The following FZD3 variants were observed in gnomAD, a reference collection of about 807,000 sequenced individuals.
FZD3 encodes the protein frizzled-3.
In FZD3, 30 loss-of-function variants were observed where a neutral mutation model predicts 60.7. The ratio of observed to expected loss-of-function variants is 0.49; its 90% CI spans 0.37 to 0.67. The LOEUF (loss-of-function observed/expected upper bound fraction) is 0.67. Among genes scored for constraint, FZD3 ranks in the 30% least tolerant of loss-of-function variants. FZD3 has a pLI of 0.00. For synonymous variants in FZD3, 246 were observed against 275.2 expected (o/e 0.89, Z 1.05); for missense variants, 605 against 838.7 (o/e 0.72, Z 3.44).
At chr8:28,510,773 A>G (rs954900195) in intron 3 of FZD3, among the ~76,000 whole-genome samples, 5 of 151,656 alleles carry the variant, frequency 3.3e-5, no homozygotes, top group African/African-American at 1.2e-4. Flanking sequence ...ACGGTGGCTC[A>G]GGCCTATAAT....
rs186331944 is a variant in FZD3, at chr8:28,506,464, T to A, written c.189+3262T>A. Among the ~76,000 whole-genome samples the A allele has an allele frequency of 2.0e-5, 3 of 152,218 alleles. No homozygotes were observed. The South Asian group carries it at 6.2e-4, about 32-fold the overall frequency. On this transcript the variant is annotated intron_variant, in intron 3 of 7. Transcript: ENST00000240093. The stretch of plus-strand genomic sequence containing the variant: ...AGTGCTGTGTGAATACAGAGCATTC[T>A]TCTTTGTTGCCTGTCACCCTGTTTT...
At chr8:28,509,386 G>A (rs1804225938) in intron 3 of FZD3, among the ~76,000 whole-genome samples, 1 of 150,890 alleles carries the variant, frequency 6.6e-6, no homozygotes, top group African/African-American at 2.4e-5. Flanking sequence ...TATAACGTTT[G>A]TTTTCCCCAC....
At chr8:28,557,947 A>C (rs1019457348) in intron 7 of FZD3, among the ~76,000 whole-genome samples, 4 of 152,228 alleles carry the variant, frequency 2.6e-5, no homozygotes, top group Non-Finnish European at 5.9e-5. Flanking sequence ...AATAAATCAT[A>C]GAAAGTGAAA....
Position 28,569,572 on chromosome 8 carries a change from G to C in FZD3, c.*6561G>C, listed in dbSNP as rs747338023. 6.6e-6 allele frequency: 1 copy of C among 151,518 alleles called. No individual in the cohort carries two copies. Among genetic ancestry groups the C allele is most frequent in the Admixed American group, 6.6e-5 (1 of 15,198 alleles). The allele number at this position is 151,518 out of a possible 1,614,324, so 9.4% of individuals were successfully genotyped here. The stretch of plus-strand genomic sequence containing the variant: ...TTCATCCCATGAACTAGATCAACTT[G>C]TATTATTTTACTAGATCAACCTGTA... On this transcript the variant is annotated 3_prime_UTR_variant, in exon 8 of 8. Coordinates refer to ENST00000240093, the MANE Select transcript of FZD3 (RefSeq NM_017412.4).
chr8:28,559,015 G>A (rs1805566573), intron 7 of FZD3, among the ~76,000 whole-genome samples: 1 of 152,164 alleles, frequency 6.6e-6, no homozygotes, highest in African/African-American at 2.4e-5. Flanking sequence ...AAAGATAACA[G>A]ATGTAGAACT....
chr8:28,501,012 G>A (rs112104596), intron 2 of FZD3, among the ~76,000 whole-genome samples: 3,997 of 152,078 alleles, frequency 0.026, 214 homozygotes, highest in African/African-American at 0.09. Context: ...CGCCTGCCTC[G>A]GCCTCCCAAA....
rs149419327 is a variant in FZD3 at position 28,566,639 on chromosome 8, T to A, written c.*3628T>A. On this transcript the variant is annotated 3_prime_UTR_variant, in exon 8 of 8. Coordinates refer to ENST00000240093, the MANE Select transcript of FZD3 (RefSeq NM_017412.4). ...ATGAAAGGAACCACTTAATTTTTTT[T>A]ATATAAATTAGTGAATCATTTGCTG... The A allele has an allele frequency of 4.1e-4, 62 of 152,346 alleles. No individual in the cohort carries two copies. The highest frequency in any genetic ancestry group is 1.3e-3 in the African/African-American group (56 of 41,598). The allele number at this position is 152,346 out of a possible 1,614,324, so 9.4% of individuals were successfully genotyped here.
At position 28,565,291 on chromosome 8, in the gene FZD3, A is replaced by G. The variant is rs930660730; in HGVS notation, c.*2280A>G. 5.3e-5 allele frequency: 8 copies of G among 152,164 alleles called. No homozygotes were observed. The highest frequency in any genetic ancestry group is 1.7e-4 in the African/African-American group (7 of 41,444). The allele number at this position is 152,164 out of a possible 1,614,324, so 9.4% of individuals were successfully genotyped here. The stretch of plus-strand genomic sequence containing the variant: ...TCCTTGGAGCTGGAGTTAATGCTCA[A>G]AGCAGGCAGGTCTGAATTCCCTCAT... On this transcript the variant is annotated 3_prime_UTR_variant, in exon 8 of 8. Coordinates refer to ENST00000240093, the MANE Select transcript of FZD3 (RefSeq NM_017412.4).
In FZD3 at chr8:28,573,573, A is replaced by C. The variant is rs1805843077; in HGVS notation, c.*10562A>C. ...TCAGGGCCTGCTGATCCTGTTTTTT[A>C]AGTTCAAGCGCAATGCCTGAAGCAT... On this transcript the variant is annotated 3_prime_UTR_variant, in exon 8 of 8. Transcript: ENST00000240093. 1 of 150,798 alleles carries C rather than the reference A, an allele frequency of 6.6e-6. No individual in the cohort carries two copies. The highest frequency in any genetic ancestry group is 2.4e-5 in the African/African-American group (1 of 40,972). 9.3% of individuals were successfully genotyped at this position (150,798 alleles called of 1,614,324 possible).
chr8:28,511,126 C>T (rs972693260), intron 3 of FZD3, among the ~76,000 whole-genome samples: 15 of 151,934 alleles, frequency 9.9e-5, no homozygotes, highest in South Asian at 4.2e-4. Flanking sequence ...CTGAGGTGGG[C>T]GGATCACTTG....
At chr8:28,551,505 A>C in intron 5 of FZD3, 98 bp from the exon 6 acceptor site, 1 of 951,074 alleles carries the variant, frequency 1.1e-6, no homozygotes. Context: ...GACAAGAACA[A>C]AACTCTGTCT....
chr8:28,499,048 T>A (rs574919623), intron 1 of FZD3, among the ~76,000 whole-genome samples: 2 of 152,216 alleles, frequency 1.3e-5, no homozygotes, highest in African/African-American at 2.4e-5. Context: ...TAATTAGTAG[T>A]CAATAAACCA....
chr8:28,571,668 T>A lies in FZD3; in HGVS notation c.*8657T>A, dbSNP rs993205256. 2.6e-5 allele frequency: 4 copies of A among 152,202 alleles called. No homozygotes were observed. Among genetic ancestry groups the A allele is most frequent in the African/African-American group, 9.7e-5 (4 of 41,440 alleles). 9.4% of individuals were successfully genotyped at this position (152,202 alleles called of 1,614,324 possible). On this transcript the variant is annotated 3_prime_UTR_variant, in exon 8 of 8. Transcript: ENST00000240093. ...CTGCTTTTATTTTCAAATGTCAAAT[T>A]GTATTTTTGTGTTTTATTTTCTCAT...
At chr8:28,528,447 TG>T (rs771876098) in intron 5 of FZD3, among the ~76,000 whole-genome samples, 1 of 151,612 alleles carries the variant, frequency 6.6e-6, no homozygotes, top group Non-Finnish European at 1.5e-5. Flanking sequence ...TGCAGTTTCG[TG>T]GGGGAGAAGC....
Position 28,562,976 on chromosome 8 carries a change from A to AATCG in FZD3, c.1967_1970dup (p.Val658SerfsTer4). On this transcript the variant is annotated frameshift_variant, in exon 8 of 8. Transcript: ENST00000240093. LOFTEE classifies it high-confidence loss of function. ...TCATATCACACATGGCACCAGCATG[A>AATCG]ATCGGGTTATTGAAGAAGATGGAAC... is the stretch of plus-strand genomic sequence containing the variant. 1.2e-6 allele frequency: 2 copies of AATCG among 1,613,442 alleles called. No homozygotes were observed. Among genetic ancestry groups the AATCG allele is most frequent in the Non-Finnish European group, 8.5e-7 (1 of 1,179,330 alleles).
At chr8:28,512,487 AT>A (rs879711314) in intron 3 of FZD3, among the ~76,000 whole-genome samples, 3,324 of 145,010 alleles carry the variant, frequency 0.023, 112 homozygotes, top group African/African-American at 0.078. Flanking sequence ...TCTGTTCTTC[AT>A]TTTTTTTTTT....
chr8:28,559,433 A>G (rs566553000), intron 7 of FZD3, among the ~76,000 whole-genome samples: 1 of 152,336 alleles, frequency 6.6e-6, no homozygotes, highest in South Asian at 2.1e-4. Flanking sequence ...CTTCTAGAGA[A>G]TAAGAACTAG....
intron 4 of FZD3, among the ~76,000 whole-genome samples, chr8:28,521,335 G>C (rs1804573893): frequency 6.6e-6 from 1 of 151,964 alleles, no homozygotes; most frequent in South Asian, 2.1e-4. Context: ...TTAAAGTTTT[G>C]AGGATTTATT....
rs17059197 is a variant in FZD3 at position 28,528,759 on chromosome 8, A to G, written c.1404+595A>G. 9.1e-3 allele frequency among the ~76,000 whole-genome samples: 1,378 copies of G among 152,226 alleles called. 8 individuals are homozygous for G. The highest frequency in any genetic ancestry group is 0.02 in the African/African-American group (820 of 41,542). On this transcript the variant is annotated intron_variant, in intron 5 of 7. Transcript: ENST00000240093. ...CTTAAACATCTAGTACCTTATTTGAAGCTTTGAAATGTTAAGTGACTTGTT... is the reference window on the plus strand; with the variant it reads ...CTTAAACATCTAGTACCTTATTTGAGGCTTTGAAATGTTAAGTGACTTGTT...
Sources: allele counts gnomAD v4.1 joint callset (sites outside exome capture counted in the v4.1 genomes callset), GRCh38; gene constraint gnomAD v4.1.1; transcripts MANE v1.5; gene names NCBI Gene and HGNC (gene_info 2026-07-23, HGNC 2026-07-21).